The following KLHDC4 variants were observed in gnomAD, a reference collection of about 807,000 sequenced individuals.
The protein encoded by KLHDC4 is kelch domain-containing protein 4.
KLHDC4 carries 90 observed loss-of-function variants against 62.4 expected under a neutral mutation model. That is an observed-to-expected ratio of 1.44 (90% CI 1.22 to 1.72). The LOEUF is 1.72. Among genes scored for constraint, KLHDC4 ranks in the 40% most tolerant of loss-of-function variants. KLHDC4 has a pLI of 0.00. For missense variants in KLHDC4, 1,025 were observed against 699.7 expected (o/e 1.47, Z -5.25); for synonymous variants, 386 against 284.4 (o/e 1.36, Z -3.59).
intron 5 of KLHDC4, among the ~76,000 whole-genome samples, chr16:87,748,353 C>A (rs557041711): frequency 6.6e-6 from 1 of 152,148 alleles, no homozygotes; most frequent in African/African-American, 2.4e-5. Flanking sequence ...AGCTGGGCAC[C>A]CAGAGCTGCC....
chr16:87,741,649 C>G (rs1409812372), intron 5 of KLHDC4, among the ~76,000 whole-genome samples: 1 of 152,188 alleles, frequency 6.6e-6, no homozygotes, highest in Non-Finnish European at 1.5e-5. Context: ...TAACACAACT[C>G]AAATCAGATT....
chr16:87,741,106 GAGA>G (rs1190344915), intron 5 of KLHDC4: 3 of 152,234 alleles, frequency 2.0e-5, no homozygotes, highest in Non-Finnish European at 2.9e-5. Flanking sequence ...TGCTAGAATG[GAGA>G]AGATGAGGGA....
At chr16:87,731,759 G>T (rs2040414876) in intron 5 of KLHDC4, among the ~76,000 whole-genome samples, 1 of 152,208 alleles carries the variant, frequency 6.6e-6, no homozygotes, top group African/African-American at 2.4e-5. Flanking sequence ...ACATGCACAA[G>T]TTTATACACG....
intron 4 of KLHDC4, among the ~76,000 whole-genome samples, chr16:87,754,778 G>A (rs952157573): frequency 6.6e-6 from 1 of 152,202 alleles, no homozygotes. Flanking sequence ...TGCTAAGTCA[G>A]TGCCACTTCT....
chr16:87,712,278 TA>T (rs536083298), intron 8 of KLHDC4, among the ~76,000 whole-genome samples: 13 of 147,380 alleles, frequency 8.8e-5, no homozygotes, highest in African/African-American at 1.7e-4. Flanking sequence ...AATGAACATT[TA>T]AAAAAAAAAA....
chr16:87,765,701 C>A, intron 1 of KLHDC4, 91 bp downstream of exon 1: 1 of 1,289,668 alleles, frequency 7.8e-7, no homozygotes, highest in Non-Finnish European at 1.1e-6. Flanking sequence ...GCGGCTCCCA[C>A]GGCCGACCCG....
At chr16:87,731,244 T>C (rs1473427994) in intron 5 of KLHDC4, among the ~76,000 whole-genome samples, 2 of 151,642 alleles carry the variant, frequency 1.3e-5, no homozygotes, top group Non-Finnish European at 2.9e-5. Context: ...TTTGTATTTC[T>C]AGTACAGATG....
chr16:87,715,134 G>C (rs2036686329), intron 7 of KLHDC4, among the ~76,000 whole-genome samples: 1 of 152,174 alleles, frequency 6.6e-6, no homozygotes, highest in Non-Finnish European at 1.5e-5. Flanking sequence ...TGCCCTACAA[G>C]TCCTGGTGCC....
At chr16:87,743,087 T>C (rs2042485477) in intron 5 of KLHDC4, 1 of 152,264 alleles carries the variant, frequency 6.6e-6, no homozygotes, top group East Asian at 1.9e-4. Context: ...TCAAAGACTT[T>C]ATAAATGTGT....
intron 2 of KLHDC4, among the ~76,000 whole-genome samples, chr16:87,757,899 A>G (rs555390624): frequency 1.3e-5 from 2 of 152,280 alleles, no homozygotes; most frequent in East Asian, 3.9e-4. Flanking sequence ...TAAAAAAACA[A>G]AAAATAAATA....
chr16:87,701,824 C>T (rs1192538528), exon 1 of KLHDC4: 1 of 456,742 alleles, frequency 2.2e-6, no homozygotes, highest in Non-Finnish European at 4.4e-6. Context: ...CCTCCAGCTG[C>T]ACCACCACTG....
intron 5 of KLHDC4, among the ~76,000 whole-genome samples, chr16:87,743,908 G>T (rs373221914): frequency 4.3e-4 from 65 of 152,224 alleles, no homozygotes; most frequent in African/African-American, 1.5e-3. Flanking sequence ...GAGGAATGAG[G>T]GGTATGATGC....
At chr16:87,721,979 G>A (rs759211130) in intron 7 of KLHDC4, among the ~76,000 whole-genome samples, 3 of 152,034 alleles carry the variant, frequency 2.0e-5, no homozygotes, top group South Asian at 2.1e-4. Flanking sequence ...CATTTCCAAA[G>A]AGCTGTGCTG....
rs150184537 is a variant in KLHDC4, at chr16:87,763,062, T to A, written c.100-1022A>T. Among the ~76,000 whole-genome samples, 3 of 152,304 alleles carry A rather than the reference T, an allele frequency of 2.0e-5. No homozygotes were observed. In the East Asian group the frequency reaches 5.8e-4, roughly 29 times the overall value. On this transcript the variant is annotated intron_variant, in intron 1 of 11. Transcript: ENST00000270583. ...CATCTCAGGGTGAATGTCAGCAGGG[T>A]ACACTGCTTAGTATTCTAAACGATG...
chr16:87,707,572 G>C (rs140187640), downstream of KLHDC4, among the ~76,000 whole-genome samples: 24 of 152,334 alleles, frequency 1.6e-4, no homozygotes, highest in Admixed American at 4.6e-4. Flanking sequence ...CTGATCCCAA[G>C]TGTGAATATG....
intron 7 of KLHDC4, among the ~76,000 whole-genome samples, chr16:87,719,816 G>C (rs956814732): frequency 8.5e-5 from 13 of 152,234 alleles, no homozygotes; most frequent in African/African-American, 3.1e-4. Context: ...TCAACATGGA[G>C]GGTGAGCGCA....
intron 7 of KLHDC4, among the ~76,000 whole-genome samples, chr16:87,718,019 G>A (rs890044997): frequency 2.4e-4 from 36 of 152,108 alleles, no homozygotes; most frequent in South Asian, 2.1e-4. Flanking sequence ...GGTTCCTTCC[G>A]GCACACAGCT....
intron 6 of KLHDC4, among the ~76,000 whole-genome samples, chr16:87,730,262 A>C (rs1171429235): frequency 6.6e-6 from 1 of 152,248 alleles, no homozygotes; most frequent in African/African-American, 2.4e-5. Context: ...CCAAAACCCC[A>C]TTTTAGATAG....
chr16:87,763,040 C>T (rs965458799), intron 1 of KLHDC4, among the ~76,000 whole-genome samples: 1 of 152,200 alleles, frequency 6.6e-6, no homozygotes, highest in African/African-American at 2.4e-5. Context: ...TACCTCTCAT[C>T]TCAGGGTGAA....
Sources: gnomAD v4.1 joint callset for allele counts (sites outside exome capture counted in the v4.1 genomes callset) on GRCh38, gnomAD v4.1.1 for gene constraint, MANE v1.5 for transcripts, NCBI Gene and HGNC (gene_info 2026-07-23, HGNC 2026-07-21) for gene names.